PCDH15: variants seen among roughly 807,000 people sequenced by gnomAD.
The protein encoded by PCDH15 is protocadherin-15.
A neutral mutation model predicts 178.5 loss-of-function variants in PCDH15; 129 were observed. That is an observed-to-expected ratio of 0.72 (90% CI 0.63 to 0.84). The LOEUF is 0.84. Ranked by LOEUF, PCDH15 falls within the 40% of genes least tolerant of loss-of-function variation. The probability of loss-of-function intolerance (pLI) is 0.00; values close to 1 mark genes in which losing one functional copy is unlikely to be tolerated. For synonymous variants in PCDH15, 800 were observed against 732.0 expected (o/e 1.09, Z -1.50); for missense variants, 2,230 against 2,099.9 (o/e 1.06, Z -1.21).
At chr10:55,221,894 TC>T (rs949386448) in intron 1 of PCDH15, among the ~76,000 whole-genome samples, 97 of 150,968 alleles carry the variant, frequency 6.4e-4, no homozygotes, top group African/African-American at 2.2e-3. Context: ...TGAAATGGAG[TC>T]TCACTCTGTC....
At chr10:55,523,888 C>A (rs898469115) in intron 2 of PCDH15, among the ~76,000 whole-genome samples, 4 of 151,450 alleles carry the variant, frequency 2.6e-5, no homozygotes, top group Non-Finnish European at 5.9e-5. Context: ...CTGTTATAAA[C>A]AAATAAAATT....
At chr10:54,351,765 T>C (rs1182033554) in intron 5 of PCDH15, among the ~76,000 whole-genome samples, 1 of 152,172 alleles carries the variant, frequency 6.6e-6, no homozygotes, top group Non-Finnish European at 1.5e-5. Context: ...CCCACCTTTT[T>C]TTGCTTCCAT....
intron 18 of PCDH15, among the ~76,000 whole-genome samples, chr10:54,040,974 T>C (rs1324315025): frequency 1.3e-5 from 2 of 152,072 alleles, no homozygotes; most frequent in Non-Finnish European, 2.9e-5. Flanking sequence ...TCACATGAAT[T>C]GAAATAGGAA....
chr10:55,538,197 CTAAGT>C (rs929037922), intron 2 of PCDH15, among the ~76,000 whole-genome samples: 2 of 152,158 alleles, frequency 1.3e-5, no homozygotes, highest in Admixed American at 6.6e-5. Flanking sequence ...TCAGAAACTT[CTAAGT>C]TAAGTCACAA....
At chr10:53,865,065 C>T (rs972860543) in intron 27 of PCDH15, among the ~76,000 whole-genome samples, 1 of 152,030 alleles carries the variant, frequency 6.6e-6, no homozygotes, top group Non-Finnish European at 1.5e-5. Context: ...TACACCACTG[C>T]ACTTTGACCT....
intron 21 of PCDH15, among the ~76,000 whole-genome samples, chr10:53,988,415 G>A (rs2134742611): frequency 6.6e-6 from 1 of 152,232 alleles, no homozygotes; most frequent in Non-Finnish European, 1.5e-5. Flanking sequence ...CAGATGTTTT[G>A]AAATCATTTA....
intron 2 of PCDH15, among the ~76,000 whole-genome samples, chr10:55,003,374 A>G (rs1839840752): frequency 6.6e-6 from 1 of 152,108 alleles, no homozygotes; most frequent in African/African-American, 2.4e-5. Context: ...CTAACCCAAC[A>G]TGAGGTAGAT....
chr10:54,008,472 T>C (rs1024648233), intron 20 of PCDH15, among the ~76,000 whole-genome samples: 36 of 152,034 alleles, frequency 2.4e-4, no homozygotes, highest in African/African-American at 7.5e-4. Context: ...AGAATGAGGG[T>C]TACTTAGGGC....
chr10:55,600,371 A>C (rs956621938), intron 2 of PCDH15, among the ~76,000 whole-genome samples: 6 of 151,870 alleles, frequency 4.0e-5, no homozygotes, highest in Admixed American at 3.3e-4. Context: ...CTTAAAAAAA[A>C]AAAAAATTGG....
chr10:55,183,985 A>T, intron 1 of PCDH15, among the ~76,000 whole-genome samples: 1 of 151,994 alleles, frequency 6.6e-6, no homozygotes, highest in East Asian at 1.9e-4. Context: ...CCATACTTTA[A>T]CACACGGTCA....
At chr10:54,876,037 C>A (rs187284078) in intron 3 of PCDH15, among the ~76,000 whole-genome samples, 1 of 152,180 alleles carries the variant, frequency 6.6e-6, no homozygotes, top group Admixed American at 6.5e-5. Flanking sequence ...TAGGCTAACT[C>A]CCTTGTTAGA....
intron 2 of PCDH15, among the ~76,000 whole-genome samples, chr10:54,910,585 A>G (rs913364339): frequency 2.6e-5 from 4 of 152,140 alleles, no homozygotes; most frequent in Admixed American, 2.6e-4. Flanking sequence ...TGCACAATAT[A>G]TTAATCCCCA....
chr10:54,154,666 T>C (rs1590829249), intron 13 of PCDH15, among the ~76,000 whole-genome samples: 1 of 152,336 alleles, frequency 6.6e-6, no homozygotes, highest in East Asian at 1.9e-4. Context: ...TTATGCATAT[T>C]CTATTTTTTA....
chr10:55,349,357 G>T lies in PCDH15; in HGVS notation c.-155-182706C>A, dbSNP rs554470404. Among the ~76,000 whole-genome samples, 3 of 152,194 alleles carry T rather than the reference G, an allele frequency of 2.0e-5. No homozygotes were observed. In the South Asian group the frequency reaches 6.2e-4, roughly 32 times the overall value. On this transcript the variant is annotated intron_variant, in intron 2 of 5. Transcript: ENST00000613346. ...CATGAACAGGCTCAAGAAAAGAATA[G>T]TTTTCATGTATTTTTTCATTAAAAT...
chr10:54,831,695 T>C (rs1362823488), intron 3 of PCDH15, among the ~76,000 whole-genome samples: 3 of 152,128 alleles, frequency 2.0e-5, no homozygotes, highest in Non-Finnish European at 4.4e-5. Context: ...AATCAGTATA[T>C]TTTCATTTCC....
chr10:54,680,598 G>A (rs1324892982), intron 1 of PCDH15, among the ~76,000 whole-genome samples: 1 of 152,102 alleles, frequency 6.6e-6, no homozygotes. Context: ...ATCCCCATGT[G>A]TCAAGGGTGG....
intron 7 of PCDH15, among the ~76,000 whole-genome samples, chr10:54,328,286 G>T (rs1001061705): frequency 6.6e-6 from 1 of 151,848 alleles, no homozygotes; most frequent in Non-Finnish European, 1.5e-5. Context: ...ATGCATTCAA[G>T]ATTTCTCCAT....
intron 26 of PCDH15, among the ~76,000 whole-genome samples, chr10:53,887,599 A>G (rs2081185020): frequency 6.6e-6 from 1 of 152,174 alleles, no homozygotes; most frequent in Non-Finnish European, 1.5e-5. Context: ...TTAAAAACTC[A>G]TTAAACAGGT....
intron 2 of PCDH15, among the ~76,000 whole-genome samples, chr10:54,556,065 T>A (rs2087221829): frequency 6.6e-6 from 1 of 152,202 alleles, no homozygotes; most frequent in Admixed American, 6.5e-5. Flanking sequence ...GATCAAGAGA[T>A]CCCAGTGGGC....
Sources: gnomAD v4.1 joint callset for allele counts (sites outside exome capture counted in the v4.1 genomes callset) on GRCh38, gnomAD v4.1.1 for gene constraint, MANE v1.5 for transcripts, NCBI Gene and HGNC (gene_info 2026-07-23, HGNC 2026-07-21) for gene names.